The following MEF2A variants were observed in gnomAD, a reference collection of about 807,000 sequenced individuals.
The protein encoded by MEF2A is myocyte enhancer factor 2A.
A neutral mutation model predicts 55.8 loss-of-function variants in MEF2A; 28 were observed. The observed-to-expected ratio is 0.50, with a 90% CI of 0.37 to 0.69. The LOEUF is 0.69. Among genes scored for constraint, MEF2A ranks in the 30% least tolerant of loss-of-function variants. The pLI is 0.00. For synonymous variants in MEF2A, 239 were observed against 227.1 expected (o/e 1.05, Z -0.47); for missense variants, 528 against 626.2 (o/e 0.84, Z 1.67).
intron 2 of MEF2A, among the ~76,000 whole-genome samples, chr15:99,614,275 A>G (rs148095608): frequency 1.7e-3 from 259 of 151,880 alleles, no homozygotes; most frequent in African/African-American, 6.0e-3. Context: ...TTTTTTTTGG[A>G]GATGAGGTCT....
intron 8 of MEF2A, 133 bp downstream of exon 8, chr15:99,690,561 A>G (rs1160315010): frequency 1.2e-5 from 10 of 846,146 alleles, no homozygotes; most frequent in Non-Finnish European, 1.8e-5. Flanking sequence ...TCCATTCAAA[A>G]TTAGTATTTG....
chr15:99,596,483 G>A (rs999533981), intron 1 of MEF2A, among the ~76,000 whole-genome samples: 8 of 151,946 alleles, frequency 5.3e-5, no homozygotes, highest in African/African-American at 1.5e-4. Flanking sequence ...AAGAATACTT[G>A]GCAGTTTGTG....
At chr15:99,595,010 A>AT (rs910477925) in intron 1 of MEF2A, among the ~76,000 whole-genome samples, 3 of 151,954 alleles carry the variant, frequency 2.0e-5, no homozygotes, top group Admixed American at 6.6e-5. Context: ...GTAGGCATTC[A>AT]TTTTTTTTCC....
chr15:99,642,393 T>C (rs940364926), intron 3 of MEF2A, among the ~76,000 whole-genome samples: 4 of 152,160 alleles, frequency 2.6e-5, no homozygotes, highest in Non-Finnish European at 2.9e-5. Flanking sequence ...TAAATATTTT[T>C]CCTTTGCTAA....
At chr15:99,670,521 A>G (rs919638306) in intron 4 of MEF2A, among the ~76,000 whole-genome samples, 2 of 152,130 alleles carry the variant, frequency 1.3e-5, no homozygotes, top group African/African-American at 4.8e-5. Context: ...GAGGCAGGAG[A>G]ATGGCATGAA....
chr15:99,582,007 AGAGAGCTC>A (rs1032760645), intron 1 of MEF2A, among the ~76,000 whole-genome samples: 2 of 152,158 alleles, frequency 1.3e-5, no homozygotes, highest in African/African-American at 4.8e-5. Context: ...AAAGTGGGAA[AGAGAGCTC>A]GAGACCAGTT....
At chr15:99,626,297 A>C (rs1265618253) in intron 2 of MEF2A, among the ~76,000 whole-genome samples, 1 of 152,104 alleles carries the variant, frequency 6.6e-6, no homozygotes, top group Non-Finnish European at 1.5e-5. Flanking sequence ...ATTTCTATAG[A>C]GTAAGTTGTA....
chr15:99,566,525 C>T (rs1369970133), intron 1 of MEF2A: 1 of 148,868 alleles, frequency 6.7e-6, no homozygotes, highest in African/African-American at 2.5e-5. Flanking sequence ...GGGCGCGCAC[C>T]CCTTGGGGCC....
chr15:99,653,186 A>G (rs1161462922), intron 4 of MEF2A, among the ~76,000 whole-genome samples: 1 of 152,212 alleles, frequency 6.6e-6, no homozygotes, highest in Non-Finnish European at 1.5e-5. Flanking sequence ...GTAAGGTGAG[A>G]TGTATATAGT....
rs1477806477 is a variant in MEF2A, at chr15:99,713,400, C to T, written c.*629C>T. 5.6e-6 allele frequency: 1 copy of T among 177,178 alleles called. No individual in the cohort carries two copies. The highest frequency in any genetic ancestry group is 2.4e-5 in the African/African-American group (1 of 42,474). The allele number at this position is 177,178 out of a possible 1,614,324, so 11.0% of individuals were successfully genotyped here. On this transcript the variant is annotated 3_prime_UTR_variant, in exon 12 of 12. Transcript: ENST00000557942. ...AAAATGTATTGGGTCAAGAAGTGAT[C>T]TTTAGCTAATAAAGAAAGAGAATAG...
intron 1 of MEF2A, among the ~76,000 whole-genome samples, chr15:99,592,850 G>T (rs1180795846): frequency 2.0e-5 from 3 of 152,202 alleles, no homozygotes; most frequent in South Asian, 2.1e-4. Flanking sequence ...AACATTAGGG[G>T]TTACATTTCA....
intron 4 of MEF2A, among the ~76,000 whole-genome samples, chr15:99,667,282 C>T (rs1480732950): frequency 6.6e-6 from 1 of 152,120 alleles, no homozygotes; most frequent in African/African-American, 2.4e-5. Context: ...AGTGCAGTGG[C>T]ACGATCTCGC....
At chr15:99,578,350 G>A (rs192727659) in intron 1 of MEF2A, among the ~76,000 whole-genome samples, 14 of 152,216 alleles carry the variant, frequency 9.2e-5, no homozygotes, top group Admixed American at 7.2e-4. Context: ...TGCTCAGATC[G>A]TTCTGCTTTG....
intron 3 of MEF2A, among the ~76,000 whole-genome samples, chr15:99,641,117 A>G (rs2044837544): frequency 6.6e-6 from 1 of 152,148 alleles, no homozygotes; most frequent in African/African-American, 2.4e-5. Context: ...AAGAACTCTG[A>G]TTGCAGCTCC....
intron 1 of MEF2A, among the ~76,000 whole-genome samples, chr15:99,591,490 T>C (rs1354135832): frequency 6.6e-6 from 1 of 152,192 alleles, no homozygotes; most frequent in Non-Finnish European, 1.5e-5. Flanking sequence ...ATTTCTATTA[T>C]GTGCCTTGGT....
At chr15:99,613,838 A>T (rs1279914363) in intron 2 of MEF2A, among the ~76,000 whole-genome samples, 1 of 152,216 alleles carries the variant, frequency 6.6e-6, no homozygotes, top group Admixed American at 6.5e-5. Context: ...CACATGCTCT[A>T]GTTTCCCTTG....
chr15:99,675,400 T>A lies in MEF2A; in HGVS notation c.612T>A (p.Gly204=). ...GTCTTCTCTCCGTAACGTTGTTAGG[T>A]GGGATGTTGAGCACTACAGACCTCA... ...PQRPPSTGNA[G]GMLSTTDLTV... The change falls in exon 7 of 12, where the codon GGT becomes GGA. Residue 204 remains glycine (G), a splice_region_variant and synonymous_variant. Transcript: ENST00000557942. 2 of 1,613,792 alleles carry A rather than the reference T, an allele frequency of 1.2e-6. No individual in the cohort carries two copies. Among genetic ancestry groups the A allele is most frequent in the Non-Finnish European group, 1.7e-6 (2 of 1,179,730 alleles).
chr15:99,608,901 CAAAAA>C (rs35786772), intron 2 of MEF2A, among the ~76,000 whole-genome samples: 1 of 138,390 alleles, frequency 7.2e-6, no homozygotes, highest in Admixed American at 7.2e-5. Context: ...AACTCCGTCT[CAAAAA>C]AAAAAAAGAA....
At chr15:99,569,964 C>T (rs1055590430) in intron 1 of MEF2A, among the ~76,000 whole-genome samples, 5 of 151,468 alleles carry the variant, frequency 3.3e-5, no homozygotes, top group Admixed American at 1.3e-4. Context: ...ACATAGCACA[C>T]GATATAGGTT....
Sources: allele counts gnomAD v4.1 joint callset (sites outside exome capture counted in the v4.1 genomes callset), GRCh38; gene constraint gnomAD v4.1.1; transcripts MANE v1.5; gene names NCBI Gene and HGNC (gene_info 2026-07-23, HGNC 2026-07-21).